PRDM7: variants seen among roughly 807,000 people sequenced by gnomAD.
PRDM7 encodes histone-lysine N-methyltransferase PRDM7.
In PRDM7, 52 loss-of-function variants were observed where a neutral mutation model predicts 64.3. That is an observed-to-expected ratio of 0.81 (90% CI 0.65 to 1.02). The LOEUF (loss-of-function observed/expected upper bound fraction) is 1.02, where lower values mean the gene tolerates loss of function less well. Among genes scored for constraint, PRDM7 ranks in the 50% least tolerant of loss-of-function variants. The pLI is 0.00. For missense variants in PRDM7, 574 were observed against 597.1 expected (o/e 0.96, Z 0.40); for synonymous variants, 192 against 210.1 (o/e 0.91, Z 0.74).
At chr16:90,072,609 G>C (rs1349682338) in intron 4 of PRDM7, among the ~76,000 whole-genome samples, 3 of 152,182 alleles carry the variant, frequency 2.0e-5, no homozygotes, top group Non-Finnish European at 4.4e-5. Flanking sequence ...TTGTTCAATG[G>C]GTTAGGGTTT....
chr16:90,061,317 A>G, intron 9 of PRDM7, 135 bp downstream of exon 9: 1 of 863,850 alleles, frequency 1.2e-6, no homozygotes, highest in South Asian at 1.7e-5. Flanking sequence ...TTGATGGTAT[A>G]AAACAGCATT....
At position 90,063,709 on chromosome 16, in the gene PRDM7, T is replaced by C. The variant is rs748342949; in HGVS notation, c.411A>G (p.Pro137=). The change falls in exon 6 of 11, where the codon CCA becomes CCG. Residue 137 remains proline, a synonymous_variant. Transcript: ENST00000449207. ...ESSLRELSGT[P]NLLNTSDSEQ... is the part of the protein sequence containing the mutation. ...CTGAGTCACTTGTATTCAGTAAATTTGGCGTTCCTGACAATTCTCTCAAAC... is the reference window on the plus strand; with the variant it reads ...CTGAGTCACTTGTATTCAGTAAATTCGGCGTTCCTGACAATTCTCTCAAAC... 5.6e-6 allele frequency: 9 copies of C among 1,614,232 alleles called. No homozygotes were observed. In the South Asian group the frequency reaches 9.9e-5, roughly 18 times the overall value.
intron 4 of PRDM7, among the ~76,000 whole-genome samples, chr16:90,073,457 T>C (rs2151313499): frequency 6.6e-6 from 1 of 151,792 alleles, no homozygotes; most frequent in South Asian, 2.1e-4. Flanking sequence ...CGGAGTGCAG[T>C]GGTGCTATCT....
intron 4 of PRDM7, among the ~76,000 whole-genome samples, chr16:90,072,476 C>G (rs2037974937): frequency 6.6e-6 from 1 of 152,176 alleles, no homozygotes; most frequent in Non-Finnish European, 1.5e-5. Flanking sequence ...TTAAATCAGC[C>G]AGTCACAAAA....
chr16:90,066,860 C>T lies in PRDM7; in HGVS notation c.351+1G>A, dbSNP rs1180697315. The T allele has an allele frequency of 1.3e-6, 2 of 1,587,552 alleles. No homozygotes were observed. Among genetic ancestry groups the T allele is most frequent in the South Asian group, 1.1e-5 (1 of 90,660 alleles). On this transcript the variant is annotated splice_donor_variant, in intron 5 of 10. Coordinates refer to ENST00000449207, the MANE Select transcript of PRDM7 (RefSeq NM_001098173.2). LOFTEE classifies it high-confidence loss of function. ...GTCAACAGGATTTGGGAGATACTTA[C>T]CTTCTGGTGTTTACTCTGTTCTCCT...
At chr16:90,064,524 C>G (rs893837438) in intron 5 of PRDM7, among the ~76,000 whole-genome samples, 8 of 151,944 alleles carry the variant, frequency 5.3e-5, no homozygotes, top group African/African-American at 1.9e-4. Flanking sequence ...AGAGATTTTC[C>G]TACCTCAGCC....
At position 90,062,148 on chromosome 16, in the gene PRDM7, G is replaced by A. The variant is rs1567875845; in HGVS notation, c.655C>T (p.His219Tyr). The A allele has an allele frequency of 1.2e-6, 2 of 1,614,282 alleles. No individual in the cohort carries two copies. The highest frequency in any genetic ancestry group is 8.5e-7 in the Non-Finnish European group (1 of 1,180,052). The change falls in exon 8 of 11, where the codon CAT (histidine) becomes TAT (tyrosine). Residue 219 changes from histidine (H) to tyrosine (Y), a missense_variant. By Grantham distance (83) the His-to-Tyr change is moderately conservative. Transcript: ENST00000449207. ...TCCTTTACAAATGTAGGGGGCCCAT[G>A]AGCAGCACAGCTGTCAATGAAGAAG... The part of the protein sequence containing the change: ...QNFFIDSCAA[H>Y]GPPTFVKDSA...
At position 90,075,382 on chromosome 16, in the gene PRDM7, C is replaced by T; in HGVS notation, c.162G>A (p.Val54=). 1 of 1,614,236 alleles carries T rather than the reference C, an allele frequency of 6.2e-7. No homozygotes were observed. Among genetic ancestry groups the T allele is most frequent in the Non-Finnish European group, 8.5e-7 (1 of 1,180,052 alleles). The change falls in exon 3 of 11, where the codon GTG becomes GTA. Residue 54 remains valine (V), a synonymous_variant. Transcript: ENST00000449207. This position sits in a 1 kb window ranked among gnomAD's most constrained non-coding sequence, Gnocchi z 4.3. ...GDWEKTRYRN[V]KMNYNALITV... ...TAATCAGTGCATTATAGTTCATTTT[C>T]ACATTCCTATAGCGAGTTTTCTCCC... is the stretch of plus-strand genomic sequence containing the variant.
At position 90,075,076 on chromosome 16, in the gene PRDM7, C is replaced by T; in HGVS notation, c.194-53G>A. ...GAAACGGAAGAGCTGGGATGAGGAA[C>T]AAAGGGCAGTGGCAATGGAAAGCAC... On this transcript the variant is annotated intron_variant, in intron 3 of 10. Coordinates refer to ENST00000449207, the MANE Select transcript of PRDM7 (RefSeq NM_001098173.2). This position sits in a 1 kb window ranked among gnomAD's most constrained non-coding sequence, Gnocchi z 4.3. 3.1e-6 allele frequency: 5 copies of T among 1,590,434 alleles called. No homozygotes were observed. The highest frequency in any genetic ancestry group is 4.3e-6 in the Non-Finnish European group (5 of 1,159,060).
Position 90,058,192 on chromosome 16 carries a change from T to C in PRDM7, c.*97A>G. 1 of 1,614,232 alleles carries C rather than the reference T, an allele frequency of 6.2e-7. No individual in the cohort carries two copies. The highest frequency in any genetic ancestry group is 8.5e-7 in the Non-Finnish European group (1 of 1,180,042). On this transcript the variant is annotated 3_prime_UTR_variant, in exon 11 of 11. Coordinates refer to ENST00000449207, the MANE Select transcript of PRDM7 (RefSeq NM_001098173.2). ...CACTTTCTGGCCTGTTCTGGACTCT[T>C]CTTCCATCATTCTTTCTCCCACTCT...
At chr16:90,074,747 C>T (rs1338520002) in intron 4 of PRDM7, among the ~76,000 whole-genome samples, 169 bp downstream of exon 4, 1 of 151,910 alleles carries the variant, frequency 6.6e-6, no homozygotes, top group East Asian at 1.9e-4. Context: ...AGTGTGGTGG[C>T]GCATGCCTGT....
At chr16:90,067,560 C>T (rs187841662) in intron 4 of PRDM7, among the ~76,000 whole-genome samples, 4 of 148,950 alleles carry the variant, frequency 2.7e-5, no homozygotes, top group East Asian at 3.9e-4. Context: ...GAAATCACCT[C>T]GACGTAAAAA....
chr16:90,061,619 C>T (rs564183085), intron 8 of PRDM7, 100 bp from the exon 9 acceptor site: 72 of 1,379,158 alleles, frequency 5.2e-5, no homozygotes, highest in South Asian at 4.0e-4. Flanking sequence ...TGCAGAGCTT[C>T]AACTGCCAAC....
Position 90,066,882 on chromosome 16 carries a change from T to C in PRDM7, c.330A>G (p.Gly110=), listed in dbSNP as rs1444629482. 6.3e-7 allele frequency: 1 copy of C among 1,599,692 alleles called. No individual in the cohort carries two copies. The highest frequency in any genetic ancestry group is 8.6e-7 in the Non-Finnish European group (1 of 1,169,238). Residue 110 remains glycine, a synonymous_variant, in exon 5 of 11, where the codon GGA becomes GGG. Coordinates refer to ENST00000449207, the MANE Select transcript of PRDM7 (RefSeq NM_001098173.2). ...TTACCTTCTGGTGTTTACTCTGTTC[T>C]CCTCTGAAGGCCATCCAAGGAGGTT... ...QVKPPWMAFR[G]EQSKHQKGMP... is the part of the protein sequence containing the mutation.
Position 90,074,923 on chromosome 16 carries a change from C to T in PRDM7, c.294G>A (p.Arg98=). ...CCTTCCCTTCCCTCTTACCTTGCTGCCTAGGTGTCCATTCTTCATCGGAAT... is the reference window on the plus strand; with the variant it reads ...CCTTCCCTTCCCTCTTACCTTGCTGTCTAGGTGTCCATTCTTCATCGGAAT... The part of the protein sequence containing the change: ...TEDSDEEWTP[R]QQVKPPWMAF... Residue 98 remains arginine, a synonymous_variant, in exon 4 of 11, where the codon AGG becomes AGA. Coordinates refer to ENST00000449207, the MANE Select transcript of PRDM7 (RefSeq NM_001098173.2). 1.2e-6 allele frequency: 2 copies of T among 1,614,008 alleles called. No individual in the cohort carries two copies. The highest frequency in any genetic ancestry group is 1.7e-6 in the Non-Finnish European group (2 of 1,179,940).
intron 8 of PRDM7, 87 bp downstream of exon 8, chr16:90,061,834 A>G: frequency 1.9e-6 from 3 of 1,577,996 alleles, no homozygotes; most frequent in Non-Finnish European, 2.6e-6. Context: ...CCCTACCTAT[A>G]TCCTAACATG....
intron 4 of PRDM7, among the ~76,000 whole-genome samples, chr16:90,068,550 G>A (rs1347309364): frequency 6.7e-6 from 1 of 149,598 alleles, no homozygotes; most frequent in Non-Finnish European, 1.5e-5. Flanking sequence ...CAGGAGAATG[G>A]CATGAACCTT....
intron 4 of PRDM7, among the ~76,000 whole-genome samples, chr16:90,068,503 C>T (rs1464313983): frequency 6.7e-5 from 10 of 149,924 alleles, no homozygotes; most frequent in South Asian, 6.3e-4. Flanking sequence ...GGTGTGGTGA[C>T]GGGCGCCTGT....
In PRDM7 at chr16:90,057,702, A is replaced by G; in HGVS notation, c.*587T>C. The stretch of plus-strand genomic sequence containing the variant: ...GGATTTGTTTAATTAGTTATTTCCG[A>G]TCTCTTTACACTCTCGGGGAATGTA... On this transcript the variant is annotated 3_prime_UTR_variant, in exon 11 of 11. Coordinates refer to ENST00000449207, the MANE Select transcript of PRDM7 (RefSeq NM_001098173.2). 1.7e-6 allele frequency: 2 copies of G among 1,192,764 alleles called. No homozygotes were observed. The highest frequency in any genetic ancestry group is 2.1e-6 in the Non-Finnish European group (2 of 938,066). The allele number at this position is 1,192,764 out of a possible 1,614,324, so 73.9% of individuals were successfully genotyped here.
Sources: gnomAD v4.1 joint callset for allele counts (sites outside exome capture counted in the v4.1 genomes callset) on GRCh38, gnomAD v4.1.1 for gene constraint, Gnocchi (gnomAD v3.1) non-coding constraint, MANE v1.5 for transcripts, NCBI Gene and HGNC (gene_info 2026-07-23, HGNC 2026-07-21) for gene names.